The following IL34 variants were observed in gnomAD, a reference collection of about 807,000 sequenced individuals.
The protein encoded by IL34 is interleukin 34.
A neutral mutation model predicts 25.3 loss-of-function variants in IL34; 17 were observed. That is an observed-to-expected ratio of 0.67 (90% CI 0.46 to 1.01). IL34 has a LOEUF of 1.01. Among genes scored for constraint, IL34 ranks in the 50% least tolerant of loss-of-function variants. The probability of loss-of-function intolerance (pLI) is 0.00; values close to 1 mark genes in which losing one functional copy is unlikely to be tolerated. For synonymous variants in IL34, 174 were observed against 140.9 expected (o/e 1.23, Z -1.66); for missense variants, 368 against 312.9 (o/e 1.18, Z -1.33).
chr16:70,628,786 C>CTT (rs71387533), intron 1 of IL34, among the ~76,000 whole-genome samples: 6,974 of 115,080 alleles, frequency 0.061, 389 homozygotes, highest in African/African-American at 0.12. Context: ...CACACCTGGT[C>CTT]TTTTTTTTTT....
Position 70,647,004 on chromosome 16 carries a change from G to C in IL34, c.28+29G>C, listed in dbSNP as rs541428888. 1.2e-4 allele frequency: 171 copies of C among 1,439,804 alleles called. 2 individuals carry two copies. The South Asian group carries it at 2.6e-3, about 22-fold the overall frequency. 89.2% of individuals were successfully genotyped at this position (1,439,804 alleles called of 1,614,324 possible). Reference sequence around the variant, plus strand: ...AGTACTGGGGGGTCCCTAGGGACCTGCATTGGGAGGCCTTGGCCTAGATCC... The same window carrying C: ...AGTACTGGGGGGTCCCTAGGGACCTCCATTGGGAGGCCTTGGCCTAGATCC... On this transcript the variant is annotated intron_variant, in intron 1 of 5. Transcript: ENST00000288098.
rs370343116 is a variant in IL34, at chr16:70,585,701, AT to A, written c.-401+5665del. Among the ~76,000 whole-genome samples the A allele has an allele frequency of 1.1e-3, 157 of 142,710 alleles. 1 individual carries two copies. The highest frequency in any genetic ancestry group is 8.3e-4 in the Non-Finnish European group (54 of 64,800). 93.6% of individuals were successfully genotyped at this position (142,710 alleles called of 152,430 possible). On this transcript the variant is annotated intron_variant, in intron 1 of 6. Coordinates refer to the IL34 transcript ENST00000429149. ...GAGACTCTGTCTTAAAAAAAAAAAA[AT>A]TTTTTTTTTTTTAGAGACAGGGTCT...
At chr16:70,585,412 G>C (rs559902318) in intron 1 of IL34, among the ~76,000 whole-genome samples, 3 of 152,240 alleles carry the variant, frequency 2.0e-5, no homozygotes, top group Non-Finnish European at 4.4e-5. Context: ...TTTTTTTGAG[G>C]CTGGGCGCGG....
chr16:70,631,760 C>G (rs138383507), intron 1 of IL34, among the ~76,000 whole-genome samples: 1 of 152,044 alleles, frequency 6.6e-6, no homozygotes, highest in Admixed American at 6.5e-5. Context: ...GCGGGATAGC[C>G]CAGTGGTTAA....
upstream of IL34, among the ~76,000 whole-genome samples, chr16:70,645,019 A>G (rs536705180): frequency 1.8e-4 from 26 of 141,330 alleles, no homozygotes; most frequent in Non-Finnish European, 3.6e-4. Context: ...AGGAGGAAGG[A>G]GGAGAAGGAA....
chr16:70,641,392 T>C (rs544223335), intron 1 of IL34, among the ~76,000 whole-genome samples: 1 of 152,300 alleles, frequency 6.6e-6, no homozygotes, highest in Non-Finnish European at 1.5e-5. Flanking sequence ...CCAAGGGCAC[T>C]GTATACTTAA....
intron 1 of IL34, among the ~76,000 whole-genome samples, chr16:70,591,713 C>G (rs1030318055): frequency 2.6e-5 from 4 of 152,188 alleles, no homozygotes; most frequent in African/African-American, 9.7e-5. Context: ...TATACAGGCA[C>G]CATCTCCCCG....
At chr16:70,647,073 A>G in intron 1 of IL34, 98 bp downstream of exon 1, 1 of 1,109,364 alleles carries the variant, frequency 9.0e-7, no homozygotes, top group Non-Finnish European at 1.2e-6. Context: ...CTTGCTGGTG[A>G]GAAGTTGCGA....
At chr16:70,659,865 G>A (rs1237127839) in intron 5 of IL34, 112 bp downstream of exon 5, 5 of 1,486,822 alleles carry the variant, frequency 3.4e-6, no homozygotes, top group Non-Finnish European at 3.6e-6. Context: ...GCTCCCCGGG[G>A]CTACAAGCCA....
intron 1 of IL34, among the ~76,000 whole-genome samples, chr16:70,583,570 A>G (rs1222829489): frequency 6.6e-6 from 1 of 152,118 alleles, no homozygotes; most frequent in East Asian, 1.9e-4. Flanking sequence ...AGGGGTTCTC[A>G]GGACAGGCCT....
At chr16:70,630,628 G>A (rs539712044) in intron 1 of IL34, among the ~76,000 whole-genome samples, 2 of 148,700 alleles carry the variant, frequency 1.3e-5, no homozygotes, top group Non-Finnish European at 3.0e-5. Flanking sequence ...ACCCAGGCAT[G>A]ATCAGTGCAA....
chr16:70,655,891 A>G (rs2052206157), intron 2 of IL34, among the ~76,000 whole-genome samples: 1 of 152,124 alleles, frequency 6.6e-6, no homozygotes, highest in South Asian at 2.1e-4. Flanking sequence ...TTTTTATTTT[A>G]ACAGCTTTAC....
At chr16:70,629,709 T>C (rs1464862622) in intron 1 of IL34, among the ~76,000 whole-genome samples, 2 of 152,176 alleles carry the variant, frequency 1.3e-5, no homozygotes, top group African/African-American at 2.4e-5. Flanking sequence ...TTTTCTTTTT[T>C]TTTTTAATTT....
rs1035045467 is a variant in IL34 at position 70,626,198 on chromosome 16, C to A, written c.-400-20350C>A. Among the ~76,000 whole-genome samples the A allele has an allele frequency of 2.6e-5, 4 of 152,154 alleles. No individual in the cohort carries two copies. In the East Asian group the frequency reaches 7.7e-4, roughly 29 times the overall value. On this transcript the variant is annotated intron_variant, in intron 1 of 6. Coordinates refer to the IL34 transcript ENST00000429149. The stretch of plus-strand genomic sequence containing the variant: ...TGAGCTGTTTACATATTAGTGAGAT[C>A]AGTCTTTTGTGCCTTTGATATAAAT...
At chr16:70,643,156 G>A (rs564456398), upstream of IL34, among the ~76,000 whole-genome samples, 3 of 151,064 alleles carry the variant, frequency 2.0e-5, no homozygotes, top group Admixed American at 6.6e-5. Context: ...TCTGCCTCCC[G>A]GGTTCAAGTG....
Position 70,616,973 on chromosome 16 carries a change from C to T in IL34, c.-400-29575C>T, listed in dbSNP as rs1291373335. Among the ~76,000 whole-genome samples, 9 of 151,760 alleles carry T rather than the reference C, an allele frequency of 5.9e-5. No individual in the cohort carries two copies. In the East Asian group the frequency reaches 7.7e-4, roughly 13 times the overall value. ...AAATAGTGTTGAAGTCCTGGGGCGG[C>T]GAAAATTTTTGGGGGGTGGTATGGA... On this transcript the variant is annotated intron_variant, in intron 1 of 6. Transcript: ENST00000429149.
At chr16:70,640,430 C>T (rs534631495) in intron 1 of IL34, among the ~76,000 whole-genome samples, 1 of 152,144 alleles carries the variant, frequency 6.6e-6, no homozygotes, top group Admixed American at 6.5e-5. Flanking sequence ...TCAAGAGCAG[C>T]CTGGCCAACA....
At chr16:70,631,229 C>G (rs2051511105) in intron 1 of IL34, among the ~76,000 whole-genome samples, 1 of 152,152 alleles carries the variant, frequency 6.6e-6, no homozygotes, top group African/African-American at 2.4e-5. Flanking sequence ...TTTGACTGAG[C>G]CAATAGCTAC....
intron 1 of IL34, among the ~76,000 whole-genome samples, chr16:70,627,475 C>T (rs1280946566): frequency 1.3e-5 from 2 of 148,462 alleles, no homozygotes; most frequent in Admixed American, 6.8e-5. Context: ...CTTCCCTCCC[C>T]TCTTCTTTTT....
Sources: gnomAD v4.1 joint callset for allele counts (sites outside exome capture counted in the v4.1 genomes callset) on GRCh38, gnomAD v4.1.1 for gene constraint, MANE v1.5 for transcripts, NCBI Gene and HGNC (gene_info 2026-07-23, HGNC 2026-07-21) for gene names.